ISCA1: variants seen among roughly 807,000 people sequenced by gnomAD.
ISCA1 encodes the protein iron-sulfur cluster assembly 1 homolog, mitochondrial.
In ISCA1, 9 loss-of-function variants were observed where a neutral mutation model predicts 14.7. That is an observed-to-expected ratio of 0.61 (90% CI 0.37 to 1.07). ISCA1 has a LOEUF of 1.07. Among genes scored for constraint, ISCA1 ranks in the 50% least tolerant of loss-of-function variants. The pLI, the probability that ISCA1 is intolerant of heterozygous loss-of-function variation, is 0.01. For synonymous variants in ISCA1, 38 were observed against 54.3 expected (o/e 0.70, Z 1.32); for missense variants, 102 against 150.1 (o/e 0.68, Z 1.67).
chr9:86,278,105 CAT>C (rs1564010511), intron 1 of ISCA1, among the ~76,000 whole-genome samples: 1 of 152,074 alleles, frequency 6.6e-6, no homozygotes, highest in Non-Finnish European at 1.5e-5. Flanking sequence ...TGTGATTATG[CAT>C]ACTAAACATG....
intron 2 of ISCA1, among the ~76,000 whole-genome samples, 172 bp from the exon 3 acceptor site, chr9:86,272,284 C>T (rs570633468): frequency 2.0e-5 from 3 of 152,156 alleles, no homozygotes; most frequent in African/African-American, 2.4e-5. Flanking sequence ...ACTCAAATAA[C>T]GCTTCCACCT....
chr9:86,274,436 A>G (rs1020111141), intron 1 of ISCA1, among the ~76,000 whole-genome samples, 194 bp from the exon 2 acceptor site: 1 of 152,170 alleles, frequency 6.6e-6, no homozygotes, highest in African/African-American at 2.4e-5. Flanking sequence ...ATTTAAAAAA[A>G]AAATCTGCTA....
intron 1 of ISCA1, among the ~76,000 whole-genome samples, chr9:86,279,866 C>T (rs183326440): frequency 3.1e-4 from 47 of 152,280 alleles, no homozygotes; most frequent in African/African-American, 9.9e-4. Context: ...GACTAGGGCA[C>T]GAATGCTGGA....
intron 3 of ISCA1, among the ~76,000 whole-genome samples, chr9:86,269,230 A>G (rs138359849): frequency 2.4e-3 from 367 of 152,342 alleles, no homozygotes; most frequent in African/African-American, 8.5e-3. Context: ...CTGATAAGCA[A>G]CTTCAGCAAA....
intron 3 of ISCA1, among the ~76,000 whole-genome samples, chr9:86,269,620 A>C (rs1050302405): frequency 2.6e-5 from 4 of 151,994 alleles, no homozygotes; most frequent in African/African-American, 7.2e-5. Context: ...CAAAAAAAAA[A>C]CCCGCATCGC....
intron 3 of ISCA1, among the ~76,000 whole-genome samples, chr9:86,268,558 AG>A (rs1825322065): frequency 6.6e-6 from 1 of 152,052 alleles, no homozygotes; most frequent in South Asian, 2.1e-4. Context: ...AGTACTACGG[AG>A]GAACGTCCTA....
intron 1 of ISCA1, among the ~76,000 whole-genome samples, chr9:86,277,124 T>C (rs1825448001): frequency 6.6e-6 from 1 of 152,194 alleles, no homozygotes; most frequent in Non-Finnish European, 1.5e-5. Flanking sequence ...TTTTCTTATT[T>C]TCTCAACTTT....
At chr9:86,267,489 A>G (rs1825304663) in intron 3 of ISCA1, 1 of 975,072 alleles carries the variant, frequency 1.0e-6, no homozygotes, top group African/African-American at 1.8e-5. Context: ...CTAAGTGCAT[A>G]CTTCCAATGA....
chr9:86,273,059 T>A (rs1331277169), intron 2 of ISCA1, among the ~76,000 whole-genome samples: 1 of 152,218 alleles, frequency 6.6e-6, no homozygotes, highest in African/African-American at 2.4e-5. Flanking sequence ...GCCGAATTCT[T>A]GTTTCATTAG....
At chr9:86,281,169 G>C (rs1825511461) in intron 1 of ISCA1, among the ~76,000 whole-genome samples, 1 of 152,004 alleles carries the variant, frequency 6.6e-6, no homozygotes, top group African/African-American at 2.4e-5. Context: ...TACATCCCAC[G>C]GTGTATGAAA....
chr9:86,277,494 A>G (rs1564010397), intron 1 of ISCA1, among the ~76,000 whole-genome samples: 2 of 152,194 alleles, frequency 1.3e-5, no homozygotes, highest in African/African-American at 2.4e-5. Flanking sequence ...AAATCGAGCT[A>G]TAAGAGGTAC....
rs376706009 is a variant in ISCA1 at position 86,282,460 on chromosome 9, T to G, written c.-2A>C. 3,774 of 1,552,366 alleles carry G rather than the reference T, an allele frequency of 2.4e-3. 6 individuals carry two copies. Among genetic ancestry groups the G allele is most frequent in the Non-Finnish European group, 2.9e-3 (3,344 of 1,147,960 alleles). ...TGCCCGGACTAAGGAAGCCGACATCTTCGCCGTCCCGGCGCCCCGGTGCCT... is the reference window on the plus strand; with the variant it reads ...TGCCCGGACTAAGGAAGCCGACATCGTCGCCGTCCCGGCGCCCCGGTGCCT... On this transcript the variant is annotated 5_prime_UTR_variant, in exon 1 of 4. Coordinates refer to ENST00000375991, the MANE Select transcript of ISCA1 (RefSeq NM_030940.4).
At chr9:86,270,421 A>G (rs1825354484) in intron 3 of ISCA1, among the ~76,000 whole-genome samples, 2 of 150,696 alleles carry the variant, frequency 1.3e-5, no homozygotes, top group African/African-American at 4.9e-5. Flanking sequence ...TAGAATGGCA[A>G]TCATTAAAAA....
At chr9:86,279,554 T>A (rs1319691275) in intron 1 of ISCA1, among the ~76,000 whole-genome samples, 1 of 152,228 alleles carries the variant, frequency 6.6e-6, no homozygotes, top group Non-Finnish European at 1.5e-5. Context: ...CATATAGCAC[T>A]TTTCAAATGT....
rs781048799 is a variant in ISCA1 at position 86,265,025 on chromosome 9, G to A, written c.*1018C>T. 3.9e-5 allele frequency: 6 copies of A among 152,180 alleles called. No homozygotes were observed. The highest frequency in any genetic ancestry group is 6.5e-5 in the Admixed American group (1 of 15,282). The allele number at this position is 152,180 out of a possible 1,614,324, so 9.4% of individuals were successfully genotyped here. On this transcript the variant is annotated 3_prime_UTR_variant, in exon 4 of 4. Transcript: ENST00000375991. ...AAGCATAATTCTGGGTTGCTACAATGTCATCTCTGCTACAAACCATTGTTT... is the reference window on the plus strand; with the variant it reads ...AAGCATAATTCTGGGTTGCTACAATATCATCTCTGCTACAAACCATTGTTT...
In ISCA1 at chr9:86,269,321, G is replaced by C. The variant is rs143925178; in HGVS notation, c.241+2686C>G. 5.9e-3 allele frequency among the ~76,000 whole-genome samples: 900 copies of C among 152,256 alleles called. 20 individuals carry two copies. Among genetic ancestry groups the C allele is most frequent in the East Asian group, 0.05 (259 of 5,170 alleles). ...ACAGACAAACAGAGAGTCAAATCAT[G>C]AGTGAACTCCCATTCACAATTGCTT... is the stretch of plus-strand genomic sequence containing the variant. On this transcript the variant is annotated intron_variant, in intron 3 of 3. Transcript: ENST00000375991.
At chr9:86,280,166 T>G (rs1825492264) in intron 1 of ISCA1, among the ~76,000 whole-genome samples, 1 of 152,204 alleles carries the variant, frequency 6.6e-6, no homozygotes, top group African/African-American at 2.4e-5. Context: ...TGGCAAAGGC[T>G]TGGCCTGCGA....
At chr9:86,279,847 T>C (rs1476720786) in intron 1 of ISCA1, among the ~76,000 whole-genome samples, 2 of 152,228 alleles carry the variant, frequency 1.3e-5, no homozygotes, top group South Asian at 2.1e-4. Context: ...ATACATGCCA[T>C]AGTGTCCTGA....
At chr9:86,270,015 T>C (rs1825346739) in intron 3 of ISCA1, among the ~76,000 whole-genome samples, 1 of 151,520 alleles carries the variant, frequency 6.6e-6, no homozygotes, top group African/African-American at 2.4e-5. Context: ...GCATTACCAT[T>C]CAGGACATAG....
Sources: gnomAD v4.1 joint callset for allele counts (sites outside exome capture counted in the v4.1 genomes callset) on GRCh38, gnomAD v4.1.1 for gene constraint, MANE v1.5 for transcripts, NCBI Gene and HGNC (gene_info 2026-07-23, HGNC 2026-07-21) for gene names.